SPEF2: variants seen among roughly 807,000 people sequenced by gnomAD.
The protein encoded by SPEF2 is sperm flagellar and cilia associated 2.
SPEF2 carries 187 observed loss-of-function variants against 224.6 expected under a neutral mutation model. The observed-to-expected ratio is 0.83, with a 90% CI of 0.74 to 0.94. The LOEUF is 0.94. Ranked by LOEUF, SPEF2 falls within the 40% of genes least tolerant of loss-of-function variation. The probability of loss-of-function intolerance (pLI) is 0.00; values close to 1 mark genes in which losing one functional copy is unlikely to be tolerated. For synonymous variants in SPEF2, 715 were observed against 707.3 expected (o/e 1.01, Z -0.17); for missense variants, 2,170 against 2,135.6 (o/e 1.02, Z -0.32).
intron 27 of SPEF2, among the ~76,000 whole-genome samples, chr5:35,772,285 G>T (rs1273178713): frequency 1.3e-5 from 2 of 152,156 alleles, no homozygotes; most frequent in African/African-American, 4.8e-5. Flanking sequence ...CCCCTCTGAA[G>T]TGGAATCCTG....
intron 30 of SPEF2, chr5:35,781,481 A>C (rs1286042960): frequency 6.6e-6 from 1 of 152,210 alleles, no homozygotes; most frequent in African/African-American, 2.4e-5. Flanking sequence ...GGATAGGAGC[A>C]TGATGTTTGG....
chr5:35,740,268 G>A lies in SPEF2; in HGVS notation c.3330+1G>A, dbSNP rs1747387404. ...GGCTGAACTACATCAACGAGTGAAT[G>A]TAAGGAAATAGTGACCTATTGGGAC... On this transcript the variant is annotated splice_donor_variant, in intron 23 of 36. Coordinates refer to ENST00000356031, the MANE Select transcript of SPEF2 (RefSeq NM_024867.4). LOFTEE classifies it high-confidence loss of function. 1.2e-6 allele frequency: 2 copies of A among 1,613,708 alleles called. No individual in the cohort carries two copies. The highest frequency in any genetic ancestry group is 1.7e-5 in the Admixed American group (1 of 59,996).
At position 35,797,445 on chromosome 5, in the gene SPEF2, T is replaced by C. The variant is rs1756833260; in HGVS notation, c.4830+1650T>C. On this transcript the variant is annotated intron_variant, in intron 33 of 36. Transcript: ENST00000356031. ...TCTCTGAGACTCAATGCTCAGAAGT[T>C]ACATAAATCTCAATGTTCTTACACT... 5.9e-5 allele frequency among the ~76,000 whole-genome samples: 9 copies of C among 152,008 alleles called. 1 individual carries two copies. In the South Asian group the frequency reaches 1.9e-3, roughly 31 times the overall value.
At chr5:35,807,953 G>A (rs1209995385) in intron 36 of SPEF2, 4 of 1,382,650 alleles carry the variant, frequency 2.9e-6, no homozygotes, top group African/African-American at 1.4e-5. Flanking sequence ...AGTTTAACAC[G>A]AAGTCTCCCT....
intron 1 of SPEF2, among the ~76,000 whole-genome samples, chr5:35,619,156 C>T (rs1743111145): frequency 6.6e-6 from 1 of 152,196 alleles, no homozygotes; most frequent in Non-Finnish European, 1.5e-5. Flanking sequence ...TACACACTCC[C>T]TGTGAACTGC....
At chr5:35,638,001 G>A (rs540400363) in intron 2 of SPEF2, among the ~76,000 whole-genome samples, 1 of 152,236 alleles carries the variant, frequency 6.6e-6, no homozygotes, top group East Asian at 1.9e-4. Context: ...ATGAAAGTGA[G>A]AAACTCAGCC....
At chr5:35,692,401 A>T (rs1190383929) in intron 11 of SPEF2, among the ~76,000 whole-genome samples, 169 bp from the exon 12 acceptor site, 1 of 152,142 alleles carries the variant, frequency 6.6e-6, no homozygotes, top group Non-Finnish European at 1.5e-5. Context: ...ACAGAGCGAG[A>T]CTCCGTCTCA....
At position 35,739,908 on chromosome 5, in the gene SPEF2, C is replaced by A. The variant is rs773712308; in HGVS notation, c.3064-11C>A. 1.2e-6 allele frequency: 2 copies of A among 1,612,334 alleles called. No homozygotes were observed. Among genetic ancestry groups the A allele is most frequent in the South Asian group, 2.2e-5 (2 of 90,532 alleles). ...TTGAAGTAACAGTTTCTACACTTTA[C>A]CATTTAACAGGAAATGCCTTTGTTT... On this transcript the variant is annotated splice_polypyrimidine_tract_variant and intron_variant, in intron 21 of 36. Transcript: ENST00000356031.
Position 35,700,595 on chromosome 5 carries a change from C to A in SPEF2, c.2241C>A (p.Asn747Lys), listed in dbSNP as rs1738415249. ...LEEALTGCNRNLTEVERKKAQ... is the reference protein window; with the variant it reads ...LEEALTGCNRKLTEVERKKAQ... ...AAGCTCTTACAGGCTGCAATAGAAACCTCACAGAAGTGGAAAGAAAAAAAG... is the reference window on the plus strand; with the variant it reads ...AAGCTCTTACAGGCTGCAATAGAAAACTCACAGAAGTGGAAAGAAAAAAAG... Residue 747 changes from asparagine (N) to lysine (K), a missense_variant, in exon 16 of 37, where the codon AAC (asparagine) becomes AAA (lysine). By Grantham distance (94) the Asn-to-Lys change is moderately conservative. Transcript: ENST00000356031. 2 of 1,613,842 alleles carry A rather than the reference C, an allele frequency of 1.2e-6. No individual in the cohort carries two copies. Among genetic ancestry groups the A allele is most frequent in the East Asian group, 4.5e-5 (2 of 44,844 alleles).
intron 30 of SPEF2, chr5:35,789,625 G>A (rs534248555): frequency 3.2e-6 from 2 of 630,802 alleles, no homozygotes; most frequent in Admixed American, 2.8e-5. Context: ...CTTCAAGGCT[G>A]TTTCAGAGAT....
intron 13 of SPEF2, among the ~76,000 whole-genome samples, chr5:35,694,898 T>C (rs1450371934): frequency 6.6e-6 from 1 of 152,210 alleles, no homozygotes; most frequent in Non-Finnish European, 1.5e-5. Flanking sequence ...GCTGCAGTCC[T>C]TCAGATCCTT....
intron 2 of SPEF2, among the ~76,000 whole-genome samples, chr5:35,634,638 T>C (rs1483870660): frequency 6.6e-6 from 1 of 152,122 alleles, no homozygotes; most frequent in African/African-American, 2.4e-5. Context: ...ATGTGTATAT[T>C]GGTATGCCTG....
At chr5:35,681,259 A>G (rs899378665) in intron 10 of SPEF2, among the ~76,000 whole-genome samples, 8 of 152,344 alleles carry the variant, frequency 5.3e-5, no homozygotes, top group South Asian at 4.1e-4. Context: ...AGTGCTAGAA[A>G]ATAAGTAACT....
intron 30 of SPEF2, chr5:35,789,168 G>A (rs1425381230): frequency 1.4e-6 from 1 of 702,950 alleles, no homozygotes; most frequent in South Asian, 1.5e-5. Flanking sequence ...GCAGGCAGAG[G>A]CAAAAGTGAC....
chr5:35,788,290 C>T (rs1236621278), intron 30 of SPEF2: 1 of 702,756 alleles, frequency 1.4e-6, no homozygotes, highest in Non-Finnish European at 2.6e-6. Context: ...CCGGACGTCC[C>T]CTCAAAGATT....
chr5:35,654,259 CAAA>C (rs1301055104), intron 6 of SPEF2, among the ~76,000 whole-genome samples: 5 of 120,634 alleles, frequency 4.1e-5, no homozygotes, highest in Admixed American at 8.7e-5. Flanking sequence ...AACTTTATCT[CAAA>C]AAAAAAAAAA....
At chr5:35,725,253 G>A (rs73084398) in intron 20 of SPEF2, among the ~76,000 whole-genome samples, 2,765 of 152,208 alleles carry the variant, frequency 0.018, 92 homozygotes, top group African/African-American at 0.063. Context: ...GCAGCCATTA[G>A]CACTGTTAAC....
intron 25 of SPEF2, among the ~76,000 whole-genome samples, chr5:35,762,947 C>A (rs1751527021): frequency 6.6e-6 from 1 of 152,150 alleles, no homozygotes; most frequent in Non-Finnish European, 1.5e-5. Context: ...AGGCTACCCC[C>A]ACCCACCATC....
intron 17 of SPEF2, 88 bp downstream of exon 17, chr5:35,704,750 T>A (rs1739397576): frequency 1.3e-6 from 1 of 783,014 alleles, no homozygotes; most frequent in Admixed American, 2.4e-5. Flanking sequence ...TCTAGAAGAA[T>A]ATCTATTTCT....
Sources: allele counts gnomAD v4.1 joint callset (sites outside exome capture counted in the v4.1 genomes callset), GRCh38; gene constraint gnomAD v4.1.1; transcripts MANE v1.5; gene names NCBI Gene and HGNC (gene_info 2026-07-23, HGNC 2026-07-21).